Variants in SBF2 observed in about 807,000 individuals in gnomAD.
SBF2 encodes SET binding factor 2.
Under a neutral mutation model 225.2 loss-of-function variants are expected in SBF2, and 112 were observed. The ratio of observed to expected loss-of-function variants is 0.50; its 90% confidence interval spans 0.43 to 0.58. The LOEUF (loss-of-function observed/expected upper bound fraction) is 0.58, where lower values mean the gene tolerates loss of function less well. Among genes scored for constraint, SBF2 ranks in the 20% least tolerant of loss-of-function variants. SBF2 has a pLI of 0.00. For synonymous variants in SBF2, 763 were observed against 773.3 expected (o/e 0.99, Z 0.22); for missense variants, 1,996 against 2,206.2 (o/e 0.90, Z 1.91).
intron 3 of SBF2, among the ~76,000 whole-genome samples, chr11:10,040,057 A>AT (rs1031179796): frequency 1.3e-5 from 2 of 151,986 alleles, no homozygotes; most frequent in Non-Finnish European, 2.9e-5. Flanking sequence ...GAAAATAATC[A>AT]TTTTTTGTTA....
chr11:10,293,917 T>TCCCCGACGCCCGG lies in SBF2; in HGVS notation c.55+97_55+98insCCGGGCGTCGGGG, dbSNP rs573079580. The TCCCCGACGCCCGG allele has an allele frequency of 0.068, 59,474 of 878,834 alleles. 2,687 individuals carry two copies. Among genetic ancestry groups the TCCCCGACGCCCGG allele is most frequent in the Non-Finnish European group, 0.068 (45,674 of 673,228 alleles). The allele number at this position is 878,834 out of a possible 1,614,324, so 54.4% of individuals were successfully genotyped here. On this transcript the variant is annotated intron_variant, in intron 1 of 39. Coordinates refer to ENST00000256190, the MANE Select transcript of SBF2 (RefSeq NM_030962.4). The stretch of plus-strand genomic sequence containing the variant: ...GCTCCTCCGAGACTCGGCCTGGCCC[T>TCCCCGACGCCCGG]CCCCGACGCCCGTCCCCGACGCCCG...
At chr11:9,799,334 C>T (rs368265233) in intron 32 of SBF2, among the ~76,000 whole-genome samples, 2 of 152,162 alleles carry the variant, frequency 1.3e-5, no homozygotes, top group African/African-American at 4.8e-5. Context: ...TCCACTGGGA[C>T]TGGAATTGGT....
intron 2 of SBF2, among the ~76,000 whole-genome samples, chr11:10,174,469 TAAAAAG>T (rs1257465602): frequency 2.0e-5 from 3 of 151,920 alleles, no homozygotes; most frequent in African/African-American, 2.4e-5. Flanking sequence ...GAAAAAAGAA[TAAAAAG>T]AAATGAGCAA....
chr11:10,157,790 A>T (rs1410920465), intron 2 of SBF2, among the ~76,000 whole-genome samples: 1 of 152,226 alleles, frequency 6.6e-6, no homozygotes, highest in Non-Finnish European at 1.5e-5. Context: ...TCTTCCATGA[A>T]ACTGGTCCCT....
chr11:10,014,052 T>C (rs1358238966), intron 6 of SBF2, among the ~76,000 whole-genome samples: 1 of 152,208 alleles, frequency 6.6e-6, no homozygotes, highest in Non-Finnish European at 1.5e-5. Flanking sequence ...CAGAGCTCTT[T>C]TATTTTTCCA....
At chr11:10,265,219 T>C (rs1961858437) in intron 1 of SBF2, among the ~76,000 whole-genome samples, 1 of 152,176 alleles carries the variant, frequency 6.6e-6, no homozygotes, top group South Asian at 2.1e-4. Context: ...GCATTCCTAT[T>C]TCTCCGCATC....
chr11:10,111,362 C>T (rs542205832), intron 2 of SBF2, among the ~76,000 whole-genome samples: 12 of 152,196 alleles, frequency 7.9e-5, no homozygotes, highest in African/African-American at 2.4e-4. Flanking sequence ...GCGAAGTAGT[C>T]GGCAAGAATA....
intron 28 of SBF2, among the ~76,000 whole-genome samples, chr11:9,825,038 G>A (rs1305854103): frequency 6.6e-6 from 1 of 152,068 alleles, no homozygotes; most frequent in Non-Finnish European, 1.5e-5. Context: ...TAAAAATTCA[G>A]AAAAATGATA....
At chr11:9,943,719 G>A (rs1181018129) in intron 16 of SBF2, among the ~76,000 whole-genome samples, 1 of 152,046 alleles carries the variant, frequency 6.6e-6, no homozygotes, top group Non-Finnish European at 1.5e-5. Context: ...TAAGAATTCA[G>A]AATTTTTAAT....
At position 10,002,296 on chromosome 11, in the gene SBF2, C is replaced by T. The variant is rs72857179; in HGVS notation, c.752+261G>A. Among the ~76,000 whole-genome samples the T allele has an allele frequency of 4.9e-3, 739 of 150,286 alleles. 3 individuals carry two copies. Among genetic ancestry groups the T allele is most frequent in the Non-Finnish European group, 9.0e-3 (604 of 67,412 alleles). On this transcript the variant is annotated intron_variant, in intron 7 of 39. Coordinates refer to ENST00000256190, the MANE Select transcript of SBF2 (RefSeq NM_030962.4). ...TTAATATCAAATAGCATTGACTAGA[C>T]ATTTATGCCAATTGTGTTAAAAGTT...
chr11:10,284,907 C>A (rs954841723), intron 1 of SBF2, among the ~76,000 whole-genome samples: 3 of 148,424 alleles, frequency 2.0e-5, no homozygotes, highest in African/African-American at 7.5e-5. Flanking sequence ...GCCAACTGCA[C>A]CCAGCTGACA....
chr11:10,124,423 T>C (rs915881115), intron 2 of SBF2, among the ~76,000 whole-genome samples: 6 of 152,240 alleles, frequency 3.9e-5, no homozygotes, highest in Non-Finnish European at 7.3e-5. Flanking sequence ...GTTACCGTTT[T>C]ATAACTTTTT....
chr11:10,273,331 C>T (rs1397229781), intron 1 of SBF2, among the ~76,000 whole-genome samples: 2 of 151,946 alleles, frequency 1.3e-5, no homozygotes, highest in East Asian at 1.9e-4. Context: ...TTTTTGAACT[C>T]GAATTACTGT....
intron 1 of SBF2, among the ~76,000 whole-genome samples, chr11:10,261,517 T>C (rs1037555678): frequency 6.6e-6 from 1 of 152,198 alleles, no homozygotes; most frequent in African/African-American, 2.4e-5. Context: ...GCAATTCTCA[T>C]ACATTGTCGG....
chr11:9,829,552 GTATCTATCTATCTATCTATCTACC>G, intron 27 of SBF2, 56 bp from the exon 28 acceptor site: 1 of 1,406,754 alleles, frequency 7.1e-7, no homozygotes, highest in Non-Finnish European at 1.0e-6. Flanking sequence ...AACAAAACAA[GTATCTATCTATCTATCTATCTACC>G]TATCTATCTA....
At chr11:9,786,878 A>G (rs1306755137) in intron 36 of SBF2, among the ~76,000 whole-genome samples, 1 of 152,198 alleles carries the variant, frequency 6.6e-6, no homozygotes. Flanking sequence ...AAAACAGAGT[A>G]TTTGGTTTTA....
chr11:10,155,530 A>G (rs1955431784), intron 2 of SBF2, among the ~76,000 whole-genome samples: 1 of 152,178 alleles, frequency 6.6e-6, no homozygotes, highest in Admixed American at 6.5e-5. Flanking sequence ...TTATGTTTAT[A>G]GTCTAGAACT....
At chr11:10,126,284 T>C (rs1000915982) in intron 2 of SBF2, among the ~76,000 whole-genome samples, 10 of 152,302 alleles carry the variant, frequency 6.6e-5, no homozygotes, top group African/African-American at 2.2e-4. Context: ...CTTTCTCTTT[T>C]TTCTTAGGCT....
chr11:10,204,702 T>C (rs1166575975), intron 1 of SBF2, among the ~76,000 whole-genome samples: 1 of 150,410 alleles, frequency 6.6e-6, no homozygotes, highest in Non-Finnish European at 1.5e-5. Context: ...CTACGTATCA[T>C]GGATAATCCT....
Sources: gnomAD v4.1 joint callset for allele counts (sites outside exome capture counted in the v4.1 genomes callset) on GRCh38, gnomAD v4.1.1 for gene constraint, MANE v1.5 for transcripts, NCBI Gene and HGNC (gene_info 2026-07-23, HGNC 2026-07-21) for gene names.